Variants in SKAP1 observed in about 807,000 individuals in gnomAD.
SKAP1 encodes the protein src kinase-associated phosphoprotein 1.
Under a neutral mutation model 58.5 loss-of-function variants are expected in SKAP1, and 44 were observed. The observed-to-expected ratio is 0.75, with a 90% confidence interval of 0.59 to 0.97. The LOEUF (loss-of-function observed/expected upper bound fraction) is 0.97. Among genes scored for constraint, SKAP1 ranks in the 50% least tolerant of loss-of-function variants. The pLI, the probability that SKAP1 is intolerant of heterozygous loss-of-function variation, is 0.00. For synonymous variants in SKAP1, 127 were observed against 149.7 expected, an observed-to-expected ratio of 0.85 and a Z score of 1.11; for missense variants, 390 against 435.2, an observed-to-expected ratio of 0.90 and a Z score of 0.92.
rs186543953 is a variant in SKAP1, at chr17:48,386,939, C to T, written c.152+9741G>A. Among the ~76,000 whole-genome samples the T allele has an allele frequency of 1.7e-4, 26 of 152,300 alleles. No individual in the cohort carries two copies. In the Middle Eastern group the frequency reaches 0.01, roughly 60 times the overall value. ...GAACAGCAATTAATTCTAGTTATGCCATATGGCAGCATAGAACACTGGCTG... is the reference window on the plus strand; with the variant it reads ...GAACAGCAATTAATTCTAGTTATGCTATATGGCAGCATAGAACACTGGCTG... On this transcript the variant is annotated intron_variant, in intron 2 of 12. Transcript: ENST00000336915.
intron 8 of SKAP1, among the ~76,000 whole-genome samples, chr17:48,180,960 T>A (rs2064359808): frequency 6.6e-6 from 1 of 151,972 alleles, no homozygotes; most frequent in Non-Finnish European, 1.5e-5. Context: ...GGGAGATTGG[T>A]TTTTTATTTT....
chr17:48,243,719 T>C (rs1301325288), intron 4 of SKAP1, among the ~76,000 whole-genome samples: 2 of 152,158 alleles, frequency 1.3e-5, no homozygotes, highest in Non-Finnish European at 2.9e-5. Flanking sequence ...TTAATATATA[T>C]ATAAAACAGG....
intron 2 of SKAP1, among the ~76,000 whole-genome samples, chr17:48,387,237 C>T (rs1368514979): frequency 2.0e-5 from 3 of 152,144 alleles, no homozygotes; most frequent in East Asian, 3.8e-4. Context: ...GTATCACTTG[C>T]TTCCTTACCA....
At chr17:48,404,168 C>A (rs1598663319) in intron 1 of SKAP1, among the ~76,000 whole-genome samples, 1 of 151,156 alleles carries the variant, frequency 6.6e-6, no homozygotes, top group South Asian at 2.1e-4. Context: ...AAAAATAATT[C>A]TTGGCTGGGT....
intron 4 of SKAP1, among the ~76,000 whole-genome samples, chr17:48,212,761 A>G (rs1162520415): frequency 6.6e-6 from 1 of 152,234 alleles, no homozygotes; most frequent in African/African-American, 2.4e-5. Flanking sequence ...TCCCTAAATC[A>G]TGCAATAGAC....
chr17:48,389,418 A>G (rs771306592), intron 2 of SKAP1, among the ~76,000 whole-genome samples: 3 of 152,368 alleles, frequency 2.0e-5, no homozygotes, highest in Non-Finnish European at 4.4e-5. Flanking sequence ...TGAAGAAACT[A>G]CATCACGCCT....
intron 1 of SKAP1, among the ~76,000 whole-genome samples, chr17:48,400,557 T>C (rs2067486425): frequency 6.6e-6 from 1 of 151,168 alleles, no homozygotes; most frequent in Non-Finnish European, 1.5e-5. Context: ...AGCCCAGGAG[T>C]TGGTCAACAT....
intron 4 of SKAP1, among the ~76,000 whole-genome samples, chr17:48,337,895 C>A (rs1387592473): frequency 6.6e-6 from 1 of 152,070 alleles, no homozygotes; most frequent in African/African-American, 2.4e-5. Context: ...GCAGTGTAAG[C>A]CAGGAGAGGT....
chr17:48,338,699 C>T (rs1177231168), intron 4 of SKAP1, among the ~76,000 whole-genome samples: 1 of 152,048 alleles, frequency 6.6e-6, no homozygotes, highest in African/African-American at 2.4e-5. Flanking sequence ...ACACCAACAG[C>T]CCAAAATGCT....
At chr17:48,413,523 A>AATAT (rs1555624885) in intron 1 of SKAP1, among the ~76,000 whole-genome samples, 3 of 105,488 alleles carry the variant, frequency 2.8e-5, no homozygotes, top group Non-Finnish European at 3.8e-5. Flanking sequence ...TCAAAAAAAA[A>AATAT]ATATATATAT....
intron 4 of SKAP1, among the ~76,000 whole-genome samples, chr17:48,271,347 CTTGTTTCT>C (rs1279692447): frequency 7.2e-6 from 1 of 139,202 alleles, no homozygotes; most frequent in Non-Finnish European, 1.6e-5. Context: ...TATTAATATT[CTTGTTTCT>C]TTGTTTCTTT....
At chr17:48,423,146 TAA>T (rs2067816206) in intron 1 of SKAP1, among the ~76,000 whole-genome samples, 1 of 152,176 alleles carries the variant, frequency 6.6e-6, no homozygotes, top group Admixed American at 6.5e-5. Flanking sequence ...CAAAAAGTAT[TAA>T]AAAGTCTAAG....
intron 11 of SKAP1, among the ~76,000 whole-genome samples, chr17:48,149,902 T>G (rs2063879834): frequency 6.6e-6 from 1 of 152,188 alleles, no homozygotes; most frequent in Admixed American, 6.5e-5. Context: ...ATGGCAAAGT[T>G]GTGAAGGGGA....
chr17:48,263,732 G>A (rs898099436), intron 4 of SKAP1, among the ~76,000 whole-genome samples: 3 of 152,134 alleles, frequency 2.0e-5, no homozygotes, highest in Non-Finnish European at 2.9e-5. Context: ...AACAAGAGGC[G>A]GTGAACTCCA....
In SKAP1 at chr17:48,180,073, A is replaced by ATCT. The variant is rs766912367; in HGVS notation, c.804_806dup (p.Glu268dup). 6.3e-7 allele frequency: 1 copy of ATCT among 1,593,182 alleles called. No individual in the cohort carries two copies. The highest frequency in any genetic ancestry group is 8.5e-7 in the Non-Finnish European group (1 of 1,172,726). On this transcript the variant is annotated inframe_insertion, in exon 9 of 13. Coordinates refer to ENST00000336915, the MANE Select transcript of SKAP1 (RefSeq NM_003726.4). ...TCTCACCTGGCAAGACTTCATAAAT[A>ATCT]TCTTCTTCTTCTTTCTCCTCTGTAG...
At chr17:48,389,229 TC>T (rs1407629788) in intron 2 of SKAP1, among the ~76,000 whole-genome samples, 1 of 152,198 alleles carries the variant, frequency 6.6e-6, no homozygotes, top group Non-Finnish European at 1.5e-5. Context: ...GTTTGTAAAC[TC>T]TATTAATTGT....
intron 3 of SKAP1, among the ~76,000 whole-genome samples, chr17:48,355,429 C>T (rs2066862980): frequency 6.6e-6 from 1 of 152,098 alleles, no homozygotes; most frequent in African/African-American, 2.4e-5. Flanking sequence ...AGGTGCACAC[C>T]CCCATGCTTG....
At chr17:48,150,257 G>T (rs1028953306) in intron 11 of SKAP1, among the ~76,000 whole-genome samples, 3 of 152,156 alleles carry the variant, frequency 2.0e-5, no homozygotes, top group Non-Finnish European at 4.4e-5. Context: ...TGCAATTATT[G>T]TTTCTGTTTT....
At chr17:48,441,429 C>T in the SKAP1 span, among the ~76,000 whole-genome samples, 2 of 151,952 alleles carry the variant, frequency 1.3e-5, no homozygotes, top group South Asian at 2.1e-4. Flanking sequence ...GAACCTCAAA[C>T]TAAAATAGAG....
Sources: allele counts gnomAD v4.1 joint callset (sites outside exome capture counted in the v4.1 genomes callset), GRCh38; gene constraint gnomAD v4.1.1; transcripts MANE v1.5; gene names NCBI Gene and HGNC (gene_info 2026-07-23, HGNC 2026-07-21).